IL4R: variants seen among roughly 807,000 people sequenced by gnomAD.
IL4R encodes the protein interleukin 4 receptor, also known as interleukin-4 receptor subunit alpha.
In IL4R, 17 loss-of-function variants were observed where a neutral mutation model predicts 41.5. The ratio of observed to expected loss-of-function variants is 0.41; its 90% CI spans 0.28 to 0.61. The LOEUF (loss-of-function observed/expected upper bound fraction) is 0.61, where lower values mean the gene tolerates loss of function less well. Ranked by LOEUF, IL4R falls within the 20% of genes least tolerant of loss-of-function variation. IL4R has a pLI of 0.31. For missense variants in IL4R, 974 were observed against 1,043.1 expected, an observed-to-expected ratio of 0.93 and a Z score of 0.91; for synonymous variants, 402 against 422.9, an observed-to-expected ratio of 0.95 and a Z score of 0.61.
At position 27,363,450 on chromosome 16, in the gene IL4R, A is replaced by G; in HGVS notation, c.2098A>G (p.Thr700Ala). 1.2e-6 allele frequency: 2 copies of G among 1,614,076 alleles called. No homozygotes were observed. The highest frequency in any genetic ancestry group is 8.5e-7 in the Non-Finnish European group (1 of 1,179,976). ...PKPPLPQEQA[T>A]DPLVDSLGSG... is the part of the protein sequence containing the mutation. ...GCCCCCACTTCCCCAGGAGCAGGCC[A>G]CAGACCCCCTTGTGGACAGCCTGGG... is the stretch of plus-strand genomic sequence containing the variant. The change falls in exon 11 of 11, where the codon ACA becomes GCA. Residue 700 changes from threonine (T) to alanine (A), a missense_variant. Coordinates refer to ENST00000395762, the MANE Select transcript of IL4R (RefSeq NM_000418.4).
chr16:27,363,239 G>C lies in IL4R; in HGVS notation c.1887G>C (p.Glu629Asp). ...KCGFGASSGE[E>D]GYKPFQDLIP... Reference sequence around the variant, plus strand: ...GGTTTGGGGCTAGCAGTGGGGAAGAGGGGTATAAGCCTTTCCAAGACCTCA... The same window carrying C: ...GGTTTGGGGCTAGCAGTGGGGAAGACGGGTATAAGCCTTTCCAAGACCTCA... Residue 629 changes from glutamate (E) to aspartate (D), a missense_variant, in exon 11 of 11, where the codon GAG (glutamate) becomes GAC (aspartate). Physicochemically the swap from Glu to Asp is conservative, Grantham distance 45. Transcript: ENST00000395762. The C allele has an allele frequency of 6.2e-7, 1 of 1,606,098 alleles. No homozygotes were observed. The highest frequency in any genetic ancestry group is 8.5e-7 in the Non-Finnish European group (1 of 1,175,760).
rs751668061 is a variant in IL4R, at chr16:27,362,726, C to T, written c.1374C>T (p.Pro458=). The T allele has an allele frequency of 5.6e-6, 9 of 1,613,996 alleles. No homozygotes were observed. The African/African-American group carries it at 9.3e-5, about 17-fold the overall frequency. The change falls in exon 11 of 11, where the codon CCC becomes CCT. Residue 458 remains proline (P), a synonymous_variant. Coordinates refer to ENST00000395762, the MANE Select transcript of IL4R (RefSeq NM_000418.4). The stretch of plus-strand genomic sequence containing the variant: ...GTGCAGGGCCCAAGGAGGCACCTCC[C>T]TGGGGCAAGGAGCAGCCTCTCCACC... ...FPSAGPKEAP[P]WGKEQPLHLE...
chr16:27,362,787 C>A lies in IL4R; in HGVS notation c.1435C>A (p.Pro479Thr). The A allele has an allele frequency of 6.2e-7, 1 of 1,614,192 alleles. No individual in the cohort carries two copies. The highest frequency in any genetic ancestry group is 8.5e-7 in the Non-Finnish European group (1 of 1,180,026). Residue 479 changes from proline (P) to threonine (T), a missense_variant, in exon 11 of 11, where the codon CCA becomes ACA. Around this residue, in one of 3 missense-constraint regions of IL4R, gnomAD observed 682 missense variants for 704.3 expected, o/e 0.97. Coordinates refer to ENST00000395762, the MANE Select transcript of IL4R (RefSeq NM_000418.4). ...PSPPASPTQS[P>T]DNLTCTETPL... ...TCCTCCTGCCAGCCCGACCCAGAGT[C>A]CAGACAACCTGACTTGCACAGAGAC...
chr16:27,357,961 T>C (rs1018043434), intron 8 of IL4R, among the ~76,000 whole-genome samples: 14 of 151,184 alleles, frequency 9.3e-5, no homozygotes, highest in Non-Finnish European at 1.5e-4. Flanking sequence ...TGGCGCGATC[T>C]CAGCTCACTG....
At chr16:27,328,286 C>T (rs1283696040) in intron 1 of IL4R, among the ~76,000 whole-genome samples, 6 of 149,784 alleles carry the variant, frequency 4.0e-5, no homozygotes, top group Non-Finnish European at 7.4e-5. Context: ...CTCTATTGCC[C>T]GGGCTGGAGT....
At chr16:27,324,805 C>T (rs1002462808) in intron 1 of IL4R, among the ~76,000 whole-genome samples, 1 of 152,130 alleles carries the variant, frequency 6.6e-6, no homozygotes, top group Non-Finnish European at 1.5e-5. Flanking sequence ...TGCGCCGGAG[C>T]GCGTGGTCTT....
In IL4R at chr16:27,363,189, A is replaced by G. The variant is rs1340929082; in HGVS notation, c.1837A>G (p.Ser613Gly). The G allele has an allele frequency of 2.5e-6, 4 of 1,611,036 alleles. No homozygotes were observed. The African/African-American group carries it at 5.3e-5, about 22-fold the overall frequency. Residue 613 changes from serine (S) to glycine (G), a missense_variant, in exon 11 of 11, where the codon AGT (serine) becomes GGT (glycine). Around this residue, in one of 3 missense-constraint regions of IL4R, gnomAD observed 682 missense variants for 704.3 expected, o/e 0.97. Transcript: ENST00000395762. ...GGCCTTCTCAAGCCTGCTTGCCAGC[A>G]GTGCTGTGTCCCCAGAGAAATGTGG... is the stretch of plus-strand genomic sequence containing the variant. ...YKAFSSLLAS[S>G]AVSPEKCGFG...
Position 27,344,288 on chromosome 16 carries a change from G to A in IL4R, c.210-581G>A, listed in dbSNP as rs571733479. 2.0e-5 allele frequency among the ~76,000 whole-genome samples: 3 copies of A among 149,124 alleles called. No individual in the cohort carries two copies. The East Asian group carries it at 6.0e-4, about 30-fold the overall frequency. ...TCACTGTACTCTAGCCTGGGTGACA[G>A]TGAGACTTTGTCTCAGGAAAAAAAA... On this transcript the variant is annotated intron_variant, in intron 4 of 10. Coordinates refer to ENST00000395762, the MANE Select transcript of IL4R (RefSeq NM_000418.4).
At chr16:27,327,673 G>A (rs930307951) in intron 1 of IL4R, among the ~76,000 whole-genome samples, 3 of 152,212 alleles carry the variant, frequency 2.0e-5, no homozygotes, top group Middle Eastern at 6.8e-3. Flanking sequence ...CCTTAAACAC[G>A]TGGATTTTGG....
At chr16:27,359,650 G>A (rs1001088349) in intron 9 of IL4R, among the ~76,000 whole-genome samples, 1 of 152,196 alleles carries the variant, frequency 6.6e-6, no homozygotes, top group Non-Finnish European at 1.5e-5. Flanking sequence ...CCACTCACTG[G>A]CAGTGTGGAC....
At chr16:27,351,944 T>C (rs3024605) in intron 6 of IL4R, among the ~76,000 whole-genome samples, 2,981 of 152,292 alleles carry the variant, frequency 0.02, 95 homozygotes, top group African/African-American at 0.067. Context: ...AGAGGCTAGG[T>C]TGGGCAGAGC....
At chr16:27,360,155 C>T (rs1459325401) in intron 9 of IL4R, among the ~76,000 whole-genome samples, 1 of 152,196 alleles carries the variant, frequency 6.6e-6, no homozygotes, top group Non-Finnish European at 1.5e-5. Context: ...GCTGGGATTA[C>T]AGGCATGTGC....
chr16:27,345,380 C>A lies in IL4R; in HGVS notation c.361+360C>A, dbSNP rs1361403817. On this transcript the variant is annotated intron_variant, in intron 5 of 10. Coordinates refer to ENST00000395762, the MANE Select transcript of IL4R (RefSeq NM_000418.4). This position sits in a 1 kb window ranked among gnomAD's most constrained non-coding sequence, Gnocchi z 4.5. ...TTCTGTGTCCACTGGTCAGCTGCTG[C>A]GGCTTTGGATGGTCTTGACCGTGGA... 2.6e-6 allele frequency: 1 copy of A among 387,130 alleles called. No individual in the cohort carries two copies. The highest frequency in any genetic ancestry group is 6.6e-5 in the East Asian group (1 of 15,086). 24.0% of individuals were successfully genotyped at this position (387,130 alleles called of 1,614,324 possible).
intron 1 of IL4R, among the ~76,000 whole-genome samples, chr16:27,328,300 A>AT (rs554319987): frequency 8.0e-5 from 12 of 149,218 alleles, no homozygotes; most frequent in Admixed American, 6.0e-4. Flanking sequence ...CTGGAGTGCA[A>AT]TGGTGTGATC....
In IL4R at chr16:27,363,060, GC is replaced by G; in HGVS notation, c.1713del (p.Thr572ProfsTer115). On this transcript the variant is annotated frameshift_variant, in exon 11 of 11. Coordinates refer to ENST00000395762, the MANE Select transcript of IL4R (RefSeq NM_000418.4). LOFTEE classifies it low-confidence loss of function (END_TRUNC). ...QHGAAAAPVS[A>X]PTSGYQEFVH... is the part of the protein sequence containing the mutation. ...TGGGGCAGCTGCAGCCCCCGTCTCG[GC>G]CCCCACCAGTGGCTATCAGGAGTTT... 1 of 1,614,118 alleles carries G rather than the reference GC, an allele frequency of 6.2e-7. No homozygotes were observed. Among genetic ancestry groups the G allele is most frequent in the Non-Finnish European group, 8.5e-7 (1 of 1,180,042 alleles).
At chr16:27,346,652 C>T (rs1446587462) in intron 6 of IL4R, 34 bp downstream of exon 6, 1 of 1,611,044 alleles carries the variant, frequency 6.2e-7, no homozygotes, top group Non-Finnish European at 8.5e-7. Context: ...TTTCTGTGAC[C>T]TCTGGGGAAC....
chr16:27,336,407 T>G (rs2085260068), intron 2 of IL4R, among the ~76,000 whole-genome samples: 1 of 152,012 alleles, frequency 6.6e-6, no homozygotes, highest in Non-Finnish European at 1.5e-5. Context: ...CCGGGTACAG[T>G]GGCTCACGCC....
At chr16:27,341,194 G>A in intron 3 of IL4R, 1 of 694,358 alleles carries the variant, frequency 1.4e-6, no homozygotes, top group Middle Eastern at 2.3e-4. Flanking sequence ...GGACAGATTG[G>A]AATTGAGGTG....
At chr16:27,322,106 T>G (rs569080223) in intron 1 of IL4R, among the ~76,000 whole-genome samples, 2 of 151,652 alleles carry the variant, frequency 1.3e-5, no homozygotes, top group African/African-American at 2.4e-5. Context: ...CTATGTGGTT[T>G]TTTTTTTTTT....
Sources: allele counts gnomAD v4.1 joint callset (sites outside exome capture counted in the v4.1 genomes callset), GRCh38; gene constraint gnomAD v4.1.1; regional missense constraint gnomAD v4.1.1; non-coding constraint Gnocchi (gnomAD v3.1); transcripts MANE v1.5; gene names NCBI Gene and HGNC (gene_info 2026-07-23, HGNC 2026-07-21).